The following KIAA1217 variants were observed in gnomAD, a reference collection of about 807,000 sequenced individuals.
KIAA1217 encodes the protein KIAA1217.
A neutral mutation model predicts 163.9 loss-of-function variants in KIAA1217; 88 were observed. That is an observed-to-expected ratio of 0.54 (90% CI 0.45 to 0.64). The LOEUF (loss-of-function observed/expected upper bound fraction) is 0.64. KIAA1217 is among the 30% of genes least tolerant of loss of function. The pLI, the probability that KIAA1217 is intolerant of heterozygous loss-of-function variation, is 0.00. For missense variants in KIAA1217, 2,372 were observed against 2,475.0 expected, an observed-to-expected ratio of 0.96 and a Z score of 0.88; for synonymous variants, 903 against 923.1, an observed-to-expected ratio of 0.98 and a Z score of 0.39.
chr10:24,464,416 C>A (rs1283683655), intron 5 of KIAA1217, among the ~76,000 whole-genome samples: 3 of 152,176 alleles, frequency 2.0e-5, no homozygotes, highest in Non-Finnish European at 4.4e-5. Flanking sequence ...GACCGACTCT[C>A]ATTGTAACAG....
intron 1 of KIAA1217, among the ~76,000 whole-genome samples, chr10:23,827,220 A>G (rs1837936547): frequency 1.3e-5 from 2 of 152,194 alleles, no homozygotes; most frequent in African/African-American, 2.4e-5. Flanking sequence ...TCTGGGAATA[A>G]GGAGTGAAGG....
At chr10:24,141,225 A>AACCCCCC (rs796365302) in intron 2 of KIAA1217, among the ~76,000 whole-genome samples, 8 of 76,248 alleles carry the variant, frequency 1.0e-4, no homozygotes, top group Non-Finnish European at 1.3e-4. Context: ...GAAAGAATAA[A>AACCCCCC]CCCCCCCCCC....
chr10:24,081,004 C>T (rs2131655699), intron 2 of KIAA1217, among the ~76,000 whole-genome samples: 1 of 152,268 alleles, frequency 6.6e-6, no homozygotes, highest in East Asian at 1.9e-4. Flanking sequence ...CTACATCTTA[C>T]TGAGGGTTTT....
chr10:24,027,437 C>T (rs193251085), intron 2 of KIAA1217, among the ~76,000 whole-genome samples: 2 of 152,062 alleles, frequency 1.3e-5, no homozygotes, highest in African/African-American at 4.8e-5. Flanking sequence ...GTTCTTTTTG[C>T]TCTACCATTG....
intron 2 of KIAA1217, among the ~76,000 whole-genome samples, chr10:24,095,491 T>C (rs2131699328): frequency 6.6e-6 from 1 of 152,260 alleles, no homozygotes; most frequent in Middle Eastern, 3.4e-3. Context: ...CACCTTCTTC[T>C]CTTAATTTCC....
intron 5 of KIAA1217, among the ~76,000 whole-genome samples, chr10:24,443,804 A>G (rs535449311): frequency 1.3e-5 from 2 of 152,324 alleles, no homozygotes; most frequent in East Asian, 1.9e-4. Context: ...GGAACATACT[A>G]AAGTGTTTAC....
intron 1 of KIAA1217, among the ~76,000 whole-genome samples, chr10:23,983,944 C>A (rs1845870242): frequency 6.6e-6 from 1 of 152,138 alleles, no homozygotes; most frequent in Non-Finnish European, 1.5e-5. Context: ...CACTGTGTAC[C>A]TAATACGTAA....
chr10:24,031,484 G>C lies in KIAA1217; in HGVS notation c.-171+24110G>C, dbSNP rs1454663951. 2.6e-5 allele frequency among the ~76,000 whole-genome samples: 4 copies of C among 152,154 alleles called. No individual in the cohort carries two copies. In the East Asian group the frequency reaches 7.7e-4, roughly 29 times the overall value. On this transcript the variant is annotated intron_variant, in intron 2 of 18. Coordinates refer to the KIAA1217 transcript ENST00000376462. ...CCAGCTAATTTTTATATTTTTCATA[G>C]AGACAGGGTTTCACCATGTTGCCCA... is the stretch of plus-strand genomic sequence containing the variant.
chr10:23,910,553 C>T (rs549553620), intron 1 of KIAA1217, among the ~76,000 whole-genome samples: 18 of 152,214 alleles, frequency 1.2e-4, no homozygotes, highest in African/African-American at 4.1e-4. Context: ...GAGAGACTTC[C>T]CTTAAGAACA....
At chr10:24,019,331 A>T (rs1847631422) in intron 2 of KIAA1217, among the ~76,000 whole-genome samples, 1 of 152,060 alleles carries the variant, frequency 6.6e-6, no homozygotes, top group African/African-American at 2.4e-5. Context: ...GGCATTTGTC[A>T]ATTTAAACAA....
intron 1 of KIAA1217, among the ~76,000 whole-genome samples, chr10:23,773,966 A>G (rs967200469): frequency 1.3e-5 from 2 of 152,050 alleles, no homozygotes; most frequent in Non-Finnish European, 2.9e-5. Flanking sequence ...TCTCCTGCCT[A>G]ATTGCCCTGG....
At chr10:24,079,702 C>G (rs746111667) in intron 2 of KIAA1217, among the ~76,000 whole-genome samples, 22 of 152,140 alleles carry the variant, frequency 1.4e-4, no homozygotes, top group Non-Finnish European at 2.9e-4. Context: ...GGGAGGGCCA[C>G]CCCTGATGAT....
At chr10:23,850,113 C>G (rs556173777) in intron 1 of KIAA1217, among the ~76,000 whole-genome samples, 15 of 152,126 alleles carry the variant, frequency 9.9e-5, no homozygotes, top group African/African-American at 3.6e-4. Flanking sequence ...GAGAGTCCAT[C>G]CCATTAAAGA....
At chr10:23,733,659 G>C (rs1228076331) in intron 1 of KIAA1217, among the ~76,000 whole-genome samples, 1 of 151,742 alleles carries the variant, frequency 6.6e-6, no homozygotes. Flanking sequence ...GGGGTTGGTT[G>C]AATCTGCATA....
chr10:23,791,932 C>A (rs1370638976), intron 1 of KIAA1217, among the ~76,000 whole-genome samples: 1 of 152,130 alleles, frequency 6.6e-6, no homozygotes. Context: ...ATTTATACTT[C>A]CAATTTTATA....
chr10:24,332,558 C>T (rs962514994), intron 2 of KIAA1217, among the ~76,000 whole-genome samples: 7 of 151,942 alleles, frequency 4.6e-5, no homozygotes, highest in Non-Finnish European at 1.0e-4. Flanking sequence ...CAGACTAATG[C>T]ATCCTCTCTC....
intron 2 of KIAA1217, among the ~76,000 whole-genome samples, chr10:24,374,211 A>G (rs1564563798): frequency 6.6e-6 from 1 of 152,212 alleles, no homozygotes; most frequent in Non-Finnish European, 1.5e-5. Flanking sequence ...TCAGACCTCA[A>G]CTTAAGCTAG....
At chr10:24,456,619 A>T (rs867128272) in intron 5 of KIAA1217, among the ~76,000 whole-genome samples, 2 of 152,186 alleles carry the variant, frequency 1.3e-5, no homozygotes, top group African/African-American at 2.4e-5. Context: ...CCTTTGAGTC[A>T]TAATCCAGTG....
At chr10:24,246,844 T>C (rs758508993) in intron 2 of KIAA1217, among the ~76,000 whole-genome samples, 3 of 152,026 alleles carry the variant, frequency 2.0e-5, no homozygotes, top group Non-Finnish European at 4.4e-5. Context: ...CGAAACCCGA[T>C]CTCTACTAAA....
Sources: allele counts gnomAD v4.1 joint callset (sites outside exome capture counted in the v4.1 genomes callset), GRCh38; gene constraint gnomAD v4.1.1; transcripts MANE v1.5; gene names NCBI Gene and HGNC (gene_info 2026-07-23, HGNC 2026-07-21).